Variants in ARHGEF10L observed in about 807,000 individuals in gnomAD.
ARHGEF10L encodes rho guanine nucleotide exchange factor 10-like protein.
A neutral mutation model predicts 141.2 loss-of-function variants in ARHGEF10L; 69 were observed. That is an observed-to-expected ratio of 0.49 (90% CI 0.40 to 0.60). The LOEUF (loss-of-function observed/expected upper bound fraction) is 0.60, where lower values mean the gene tolerates loss of function less well. Ranked by LOEUF, ARHGEF10L falls within the 20% of genes least tolerant of loss-of-function variation. The pLI, the probability that ARHGEF10L is intolerant of heterozygous loss-of-function variation, is 0.00. For missense variants in ARHGEF10L, 1,482 were observed against 1,734.3 expected (o/e 0.85, Z 2.58); for synonymous variants, 711 against 718.5 (o/e 0.99, Z 0.17).
chr1:17,538,533 A>C (rs1293181431), upstream of ARHGEF10L, among the ~76,000 whole-genome samples: 1 of 152,146 alleles, frequency 6.6e-6, no homozygotes, highest in Non-Finnish European at 1.5e-5. Flanking sequence ...AGATGATTTC[A>C]GTGCGTGGCC....
chr1:17,648,529 AC>A, intron 21 of ARHGEF10L, 24 bp from the exon 22 acceptor site: 2 of 1,612,800 alleles, frequency 1.2e-6, no homozygotes, highest in Non-Finnish European at 1.7e-6. Context: ...GACCAGCTCT[AC>A]CCACCTCCTT....
intron 4 of ARHGEF10L, among the ~76,000 whole-genome samples, chr1:17,601,236 G>A (rs556395112): frequency 1.1e-4 from 16 of 152,178 alleles, no homozygotes; most frequent in South Asian, 2.1e-4. Flanking sequence ...ATTTCATGAC[G>A]TCTTATCAGG....
intron 4 of ARHGEF10L, among the ~76,000 whole-genome samples, chr1:17,597,214 C>T (rs1015151327): frequency 6.6e-6 from 1 of 152,204 alleles, no homozygotes; most frequent in Non-Finnish European, 1.5e-5. Context: ...CATTTGCAAG[C>T]TGAGAGGCAT....
intron 26 of ARHGEF10L, 119 bp downstream of exon 26, chr1:17,664,714 C>A: frequency 7.7e-7 from 1 of 1,296,562 alleles, no homozygotes; most frequent in Non-Finnish European, 1.0e-6. Flanking sequence ...ATCGATTGGG[C>A]AGAGTTTGTC....
rs1179237191 is a variant in ARHGEF10L at position 17,623,489 on chromosome 1, C to G, written c.1200+314C>G. Among the ~76,000 whole-genome samples the G allele has an allele frequency of 6.6e-6, 1 of 152,212 alleles. No individual in the cohort carries two copies. Among genetic ancestry groups the G allele is most frequent in the African/African-American group, 2.4e-5 (1 of 41,466 alleles). On this transcript the variant is annotated intron_variant, in intron 12 of 28. Coordinates refer to ENST00000361221, the MANE Select transcript of ARHGEF10L (RefSeq NM_018125.4). This position sits in a 1 kb window ranked among gnomAD's most constrained non-coding sequence, Gnocchi z 4.7. Reference sequence around the variant, plus strand: ...AGCCACCTGGCCGGTCACAAGCTCTCTTACCGAGCACTTGAGGGGTTTCAA... The same window carrying G: ...AGCCACCTGGCCGGTCACAAGCTCTGTTACCGAGCACTTGAGGGGTTTCAA...
chr1:17,559,296 G>C (rs1032275315), intron 1 of ARHGEF10L, among the ~76,000 whole-genome samples: 1 of 152,246 alleles, frequency 6.6e-6, no homozygotes, highest in African/African-American at 2.4e-5. Context: ...GGTAAGTATC[G>C]ACACAAGGCA....
the ARHGEF10L span, among the ~76,000 whole-genome samples, chr1:17,521,449 G>A: frequency 4.6e-5 from 7 of 152,222 alleles, no homozygotes; most frequent in Non-Finnish European, 8.8e-5. Context: ...GCCCGCCTCG[G>A]CCTCCCAAAG....
At chr1:17,519,884 C>A in the ARHGEF10L span, among the ~76,000 whole-genome samples, 1 of 152,020 alleles carries the variant, frequency 6.6e-6, no homozygotes, top group Non-Finnish European at 1.5e-5. Flanking sequence ...GAGACAAGGC[C>A]GGTTGCATGA....
chr1:17,599,051 T>C (rs1265870538), intron 4 of ARHGEF10L, among the ~76,000 whole-genome samples: 1 of 152,088 alleles, frequency 6.6e-6, no homozygotes, highest in African/African-American at 2.4e-5. Flanking sequence ...TCCTGCAAAA[T>C]TAAATGTGCA....
intron 25 of ARHGEF10L, 89 bp from the exon 26 acceptor site, chr1:17,664,358 C>A: frequency 7.1e-7 from 1 of 1,413,216 alleles, no homozygotes; most frequent in Non-Finnish European, 9.5e-7. Context: ...TGTGGGGGGC[C>A]CTGCTGAGCC....
the ARHGEF10L span, among the ~76,000 whole-genome samples, chr1:17,515,756 C>T: frequency 2.6e-5 from 4 of 151,994 alleles, no homozygotes; most frequent in African/African-American, 9.7e-5. Context: ...GATCCTCCCA[C>T]CTCAGCCTCC....
chr1:17,683,603 A>G (rs927524047), intron 26 of ARHGEF10L, among the ~76,000 whole-genome samples: 1 of 152,006 alleles, frequency 6.6e-6, no homozygotes, highest in East Asian at 1.9e-4. Context: ...GCCCAGAGGT[A>G]GCTGAGACAT....
At chr1:17,694,851 G>A (rs542620761) in intron 27 of ARHGEF10L, 52 of 539,264 alleles carry the variant, frequency 9.6e-5, no homozygotes, top group Middle Eastern at 8.5e-4. Context: ...CCTGGCCGCC[G>A]TGTATTGAGA....
intron 2 of ARHGEF10L, among the ~76,000 whole-genome samples, chr1:17,581,309 CAAAAAA>C (rs71014975): frequency 6.4e-4 from 44 of 69,290 alleles, no homozygotes; most frequent in Middle Eastern, 0.024. Context: ...AAGACTGTCT[CAAAAAA>C]AAAAAAAAAA....
chr1:17,640,057 C>G, intron 20 of ARHGEF10L, 145 bp from the exon 21 acceptor site: 1 of 1,475,812 alleles, frequency 6.8e-7, no homozygotes, highest in Non-Finnish European at 9.0e-7. Flanking sequence ...AGCCACTGAC[C>G]TCTTTGGCCA....
At chr1:17,566,112 G>C (rs759960624) in intron 1 of ARHGEF10L, among the ~76,000 whole-genome samples, 1 of 152,190 alleles carries the variant, frequency 6.6e-6, no homozygotes, top group Admixed American at 6.5e-5. Flanking sequence ...GCATTAACAG[G>C]CCAGCGTCTG....
rs1464270919 is a variant in ARHGEF10L, at chr1:17,654,629, T to G, written c.2395-7T>G. 1 of 1,613,982 alleles carries G rather than the reference T, an allele frequency of 6.2e-7. No homozygotes were observed. The highest frequency in any genetic ancestry group is 8.5e-7 in the Non-Finnish European group (1 of 1,179,860). On this transcript the variant is annotated splice_region_variant and splice_polypyrimidine_tract_variant and intron_variant, in intron 22 of 28. Coordinates refer to ENST00000361221, the MANE Select transcript of ARHGEF10L (RefSeq NM_018125.4). The surrounding 1 kb of genome is among the most constrained non-coding windows in gnomAD (Gnocchi z 4.3). ...TAACCTCACATGTACCGTCTCTGTC[T>G]CTGCAGCTTGGGGCCCTGGTCCACA...
chr1:17,606,455 G>A (rs558899219), intron 6 of ARHGEF10L, among the ~76,000 whole-genome samples: 58 of 151,732 alleles, frequency 3.8e-4, no homozygotes, highest in Non-Finnish European at 6.6e-4. Context: ...CACCACACCC[G>A]GCTAGTTTTT....
At position 17,639,956 on chromosome 1, in the gene ARHGEF10L, G is replaced by A. The variant is rs41268779; in HGVS notation, c.2172-246G>A. On this transcript the variant is annotated intron_variant, in intron 20 of 28. Transcript: ENST00000361221. The surrounding 1 kb of genome is among the most constrained non-coding windows in gnomAD (Gnocchi z 4.3). The stretch of plus-strand genomic sequence containing the variant: ...CAGAGGCTCCTGGAGCCAGGCTGGG[G>A]AGCGTGGCTCAGCCACCCTGGCCAG... 4.0e-3 allele frequency: 5,994 copies of A among 1,490,728 alleles called. 18 individuals carry two copies. The highest frequency in any genetic ancestry group is 4.8e-3 in the Non-Finnish European group (5,362 of 1,118,684). 92.3% of individuals were successfully genotyped at this position (1,490,728 alleles called of 1,614,324 possible).
Sources: allele counts gnomAD v4.1 joint callset (sites outside exome capture counted in the v4.1 genomes callset), GRCh38; gene constraint gnomAD v4.1.1; non-coding constraint Gnocchi (gnomAD v3.1); transcripts MANE v1.5; gene names NCBI Gene and HGNC (gene_info 2026-07-23, HGNC 2026-07-21).